Variants in ANKRD30A observed in about 807,000 individuals in gnomAD.
The protein encoded by ANKRD30A is ankyrin repeat domain 30A, also known as ankyrin repeat domain-containing protein 30A.
Under a neutral mutation model 166.3 loss-of-function variants are expected in ANKRD30A, and 170 were observed. The ratio of observed to expected loss-of-function variants is 1.02; its 90% CI spans 0.90 to 1.16. The LOEUF (loss-of-function observed/expected upper bound fraction) is 1.16. ANKRD30A is among the 50% of genes most tolerant of loss of function. The pLI is 0.00. For missense variants in ANKRD30A, 1,630 were observed against 1,518.0 expected (o/e 1.07, Z -1.23); for synonymous variants, 564 against 508.9 (o/e 1.11, Z -1.46).
chr10:37,246,565 A>G, the ANKRD30A span, among the ~76,000 whole-genome samples: 1 of 152,168 alleles, frequency 6.6e-6, no homozygotes, highest in Admixed American at 6.5e-5. Context: ...AGACATTTTC[A>G]TAGTTTATGC....
intron 31 of ANKRD30A, among the ~76,000 whole-genome samples, chr10:37,202,831 A>G (rs1053906802): frequency 1.3e-5 from 2 of 152,212 alleles, no homozygotes; most frequent in African/African-American, 4.8e-5. Context: ...ACAGAAATAC[A>G]AACTACCATC....
intron 18 of ANKRD30A, 116 bp downstream of exon 18, chr10:37,165,271 G>T: frequency 2.0e-6 from 2 of 1,021,328 alleles, no homozygotes; most frequent in Non-Finnish European, 2.9e-6. Context: ...AATTATTTTT[G>T]ATGTTTTTCA....
the ANKRD30A span, among the ~76,000 whole-genome samples, chr10:37,257,121 G>T: frequency 1.3e-5 from 2 of 151,966 alleles, no homozygotes; most frequent in African/African-American, 4.8e-5. Flanking sequence ...GTTTCATGGC[G>T]GGAGGGTGTA....
chr10:37,225,630 T>A (rs1168845480), intron 34 of ANKRD30A, among the ~76,000 whole-genome samples: 3 of 151,730 alleles, frequency 2.0e-5, no homozygotes, highest in Non-Finnish European at 4.4e-5. Flanking sequence ...TTAAAAAAAT[T>A]TTTTTGGGCT....
chr10:37,131,101 G>C (rs1181233222), intron 3 of ANKRD30A, among the ~76,000 whole-genome samples: 1 of 152,026 alleles, frequency 6.6e-6, no homozygotes, highest in Non-Finnish European at 1.5e-5. Context: ...CTATTAGAAT[G>C]CCTTTAAGCC....
intron 31 of ANKRD30A, among the ~76,000 whole-genome samples, chr10:37,214,301 A>C (rs1462213046): frequency 6.6e-6 from 1 of 151,430 alleles, no homozygotes; most frequent in East Asian, 1.9e-4. Context: ...TTATATTTAA[A>C]GTTTATTTCT....
intron 11 of ANKRD30A, among the ~76,000 whole-genome samples, chr10:37,150,224 A>C (rs1380744146): frequency 6.6e-6 from 1 of 152,136 alleles, no homozygotes; most frequent in African/African-American, 2.4e-5. Flanking sequence ...TTACTGATAT[A>C]ACACTTGTGT....
intron 8 of ANKRD30A, among the ~76,000 whole-genome samples, chr10:37,146,429 G>A (rs1165668022): frequency 1.3e-5 from 2 of 152,180 alleles, no homozygotes; most frequent in African/African-American, 4.8e-5. Context: ...TAATTTCAGT[G>A]TTTAATGCAG....
At chr10:37,234,798 A>G (rs918836141), downstream of ANKRD30A, among the ~76,000 whole-genome samples, 2 of 152,212 alleles carry the variant, frequency 1.3e-5, no homozygotes, top group Non-Finnish European at 2.9e-5. Context: ...ATGTAGTTAT[A>G]TAGATATGTC....
intron 34 of ANKRD30A, among the ~76,000 whole-genome samples, chr10:37,224,075 G>T (rs188557883): frequency 1.3e-5 from 2 of 151,172 alleles, no homozygotes; most frequent in Non-Finnish European, 3.0e-5. Context: ...CAGAGTCACA[G>T]CACAAACTGA....
At chr10:37,191,084 T>C (rs1177321539) in intron 25 of ANKRD30A, among the ~76,000 whole-genome samples, 1 of 151,838 alleles carries the variant, frequency 6.6e-6, no homozygotes, top group Non-Finnish European at 1.5e-5. Flanking sequence ...ACATAGAAAA[T>C]GTTATTAATA....
chr10:37,151,334 G>A (rs890424096), intron 11 of ANKRD30A, among the ~76,000 whole-genome samples: 7 of 151,968 alleles, frequency 4.6e-5, no homozygotes, highest in African/African-American at 1.4e-4. Context: ...ATAACATGTG[G>A]GAACGTTAGA....
the ANKRD30A span, among the ~76,000 whole-genome samples, chr10:37,242,630 A>T: frequency 3.3e-5 from 5 of 152,188 alleles, no homozygotes; most frequent in African/African-American, 1.2e-4. Context: ...ACTTTACATC[A>T]TTGGAGCACT....
chr10:37,234,255 A>G, downstream of ANKRD30A, among the ~76,000 whole-genome samples: 3 of 152,198 alleles, frequency 2.0e-5, no homozygotes, highest in Admixed American at 2.0e-4. Context: ...TTGAATTCTG[A>G]GATGCTTTGT....
rs4625405 is a variant in ANKRD30A, at chr10:37,154,404, C to G, written c.1798+742C>G. The stretch of plus-strand genomic sequence containing the variant: ...ATGCTGATGCTGGTGGTCCTTGGAC[C>G]TTGCTCTGGGTAGCAAGAGGAGAGG... On this transcript the variant is annotated intron_variant, in intron 13 of 35. Coordinates refer to ENST00000361713, the MANE Select transcript of ANKRD30A (RefSeq NM_052997.3). Among the ~76,000 whole-genome samples, 177 of 152,234 alleles carry G rather than the reference C, an allele frequency of 1.2e-3. 4 individuals carry two copies. In the East Asian group the frequency reaches 0.019, roughly 16 times the overall value.
chr10:37,214,359 T>C (rs897082865), intron 31 of ANKRD30A, among the ~76,000 whole-genome samples: 2 of 151,348 alleles, frequency 1.3e-5, no homozygotes, highest in African/African-American at 4.8e-5. Flanking sequence ...ATTCTGACAA[T>C]CTGCTTTTGA....
Position 37,165,128 on chromosome 10 carries a change from C to G in ANKRD30A, c.2037C>G (p.Asp679Glu), listed in dbSNP as rs753472196. 6.2e-7 allele frequency: 1 copy of G among 1,609,176 alleles called. No individual in the cohort carries two copies. Residue 679 changes from aspartate (D) to glutamate (E), a missense_variant, in exon 18 of 36, where the codon GAC becomes GAG. This residue lies in a region of ANKRD30A where 904 missense variants were observed against 818.5 expected (regional missense o/e 1.10). Transcript: ENST00000361713. The part of the protein sequence containing the change: ...EILPSESKQK[D>E]YEENSWDTES... ...TCCCATCAGAATCCAAACAAAAGGA[C>G]TATGAAGAAAATTCTTGGGATACTG... is the stretch of plus-strand genomic sequence containing the variant.
chr10:37,140,370 T>G (rs1282094920), intron 6 of ANKRD30A, among the ~76,000 whole-genome samples: 2 of 152,180 alleles, frequency 1.3e-5, no homozygotes, highest in African/African-American at 2.4e-5. Flanking sequence ...CATAAACAAA[T>G]GTCAACAAGA....
chr10:37,145,450 C>T (rs77469929), intron 8 of ANKRD30A, among the ~76,000 whole-genome samples: 5 of 146,556 alleles, frequency 3.4e-5, no homozygotes, highest in African/African-American at 5.0e-5. Flanking sequence ...GCACTCAGAT[C>T]GGGCCATTGC....
Sources: gnomAD v4.1 joint callset for allele counts (sites outside exome capture counted in the v4.1 genomes callset) on GRCh38, gnomAD v4.1.1 for gene constraint, gnomAD v4.1.1 regional missense constraint, MANE v1.5 for transcripts, NCBI Gene and HGNC (gene_info 2026-07-23, HGNC 2026-07-21) for gene names.